The following ANKRD45 variants were observed in gnomAD, a reference collection of about 807,000 sequenced individuals.
The protein encoded by ANKRD45 is ankyrin repeat domain-containing protein 45.
In ANKRD45, 21 loss-of-function variants were observed where a neutral mutation model predicts 28.1. The ratio of observed to expected loss-of-function variants is 0.75; its 90% CI spans 0.53 to 1.08. The LOEUF (loss-of-function observed/expected upper bound fraction) is 1.08, where lower values mean the gene tolerates loss of function less well. ANKRD45 is among the 50% of genes least tolerant of loss of function. The pLI, the probability that ANKRD45 is intolerant of heterozygous loss-of-function variation, is 0.00. For missense variants in ANKRD45, 261 were observed against 308.7 expected (o/e 0.85, Z 1.16); for synonymous variants, 86 against 103.9 (o/e 0.83, Z 1.05).
At position 173,656,402 on chromosome 1, in the gene ANKRD45, C is replaced by G. The variant is rs376374112; in HGVS notation, c.328+2689G>C. Among the ~76,000 whole-genome samples, 42 of 152,308 alleles carry G rather than the reference C, an allele frequency of 2.8e-4. No homozygotes were observed. The Middle Eastern group carries it at 0.01, about 37-fold the overall frequency. On this transcript the variant is annotated intron_variant, in intron 2 of 5. Coordinates refer to ENST00000333279, the MANE Select transcript of ANKRD45 (RefSeq NM_198493.3). ...CTTATGTTCATATTCTTCCTAAACT[C>G]TCTTAGCACTAATAGTAGATTCCCT...
the ANKRD45 span, among the ~76,000 whole-genome samples, chr1:173,681,743 T>G: frequency 6.6e-6 from 1 of 152,046 alleles, no homozygotes; most frequent in Non-Finnish European, 1.5e-5. Context: ...TCTGGTATGC[T>G]AATGGAAGAT....
At chr1:173,619,372 G>A (rs1667604011) in intron 5 of ANKRD45, among the ~76,000 whole-genome samples, 1 of 152,118 alleles carries the variant, frequency 6.6e-6, no homozygotes, top group African/African-American at 2.4e-5. Flanking sequence ...AGACCCATCA[G>A]TATGCTGTCT....
At chr1:173,664,121 T>C (rs543902024) in intron 1 of ANKRD45, among the ~76,000 whole-genome samples, 2 of 152,306 alleles carry the variant, frequency 1.3e-5, no homozygotes, top group East Asian at 3.9e-4. Flanking sequence ...CTATGGAGAC[T>C]ATACCAGGAA....
Position 173,608,905 on chromosome 1 carries a change from G to C in ANKRD45, c.*1240C>G, listed in dbSNP as rs1460414094. ...GAAGGGAGGGGAGGGGAGAGGAAGG[G>C]AGAGGAAGGGAGGGGAAGGGAGGGG... On this transcript the variant is annotated 3_prime_UTR_variant, in exon 6 of 6. Coordinates refer to ENST00000333279, the MANE Select transcript of ANKRD45 (RefSeq NM_198493.3). Among the ~76,000 whole-genome samples the C allele has an allele frequency of 3.9e-4, 35 of 88,904 alleles. No individual in the cohort carries two copies. Among genetic ancestry groups the C allele is most frequent in the Non-Finnish European group, 6.2e-4 (28 of 45,194 alleles). 58.3% of individuals were successfully genotyped at this position (88,904 alleles called of 152,430 possible). A position where few individuals can be genotyped will look rare whatever the true frequency, so the allele number is the denominator to read the frequency against.
Position 173,624,942 on chromosome 1 carries a change from A to C in ANKRD45, c.592-17T>G. 6.2e-7 allele frequency: 1 copy of C among 1,603,638 alleles called. No individual in the cohort carries two copies. Among genetic ancestry groups the C allele is most frequent in the Non-Finnish European group, 8.5e-7 (1 of 1,174,404 alleles). On this transcript the variant is annotated splice_polypyrimidine_tract_variant and intron_variant, in intron 4 of 5. Transcript: ENST00000333279. ...GATGGTATTCTAGGGACAGAAATAC[A>C]GAGTTTGCTCTCCACTTATTTATTG...
the ANKRD45 span, among the ~76,000 whole-genome samples, chr1:173,705,589 C>T: frequency 6.7e-6 from 1 of 149,554 alleles, no homozygotes; most frequent in East Asian, 2.0e-4. Context: ...ACTCCTTGAG[C>T]CCAGGAGGCT....
At chr1:173,613,512 T>G (rs1417424729) in intron 5 of ANKRD45, among the ~76,000 whole-genome samples, 3 of 124,550 alleles carry the variant, frequency 2.4e-5, no homozygotes, top group Non-Finnish European at 3.3e-5. Flanking sequence ...AGGTGGGGGC[T>G]CAGCCCCCGC....
At position 173,662,888 on chromosome 1, in the gene ANKRD45, G is replaced by A. The variant is rs145960227; in HGVS notation, c.-15-3455C>T. ...TGATAGAGGCAAGCAAGGTAGACAG[G>A]GATTGGAAATGGGAGTTGAGTTACC... is the stretch of plus-strand genomic sequence containing the variant. On this transcript the variant is annotated intron_variant, in intron 1 of 5. Coordinates refer to ENST00000333279, the MANE Select transcript of ANKRD45 (RefSeq NM_198493.3). Among the ~76,000 whole-genome samples, 11 of 152,156 alleles carry A rather than the reference G, an allele frequency of 7.2e-5. No homozygotes were observed. The South Asian group carries it at 8.3e-4, about 11-fold the overall frequency.
chr1:173,639,731 T>C (rs1057023888), intron 3 of ANKRD45, among the ~76,000 whole-genome samples: 5 of 152,204 alleles, frequency 3.3e-5, no homozygotes, highest in Admixed American at 3.3e-4. Context: ...CTGAAATGAC[T>C]CCAATCGTTT....
chr1:173,668,280 G>C (rs1433676307), intron 1 of ANKRD45, among the ~76,000 whole-genome samples: 1 of 152,190 alleles, frequency 6.6e-6, no homozygotes, highest in African/African-American at 2.4e-5. Context: ...GGGCAAGGAG[G>C]CTTTGCAGGG....
At chr1:173,610,910 TC>T (rs1324749367) in intron 5 of ANKRD45, among the ~76,000 whole-genome samples, 4 of 152,136 alleles carry the variant, frequency 2.6e-5, no homozygotes, top group African/African-American at 9.7e-5. Flanking sequence ...TAGTCTCCTC[TC>T]CCTCCAATCC....
chr1:173,702,051 C>T, the ANKRD45 span, among the ~76,000 whole-genome samples: 3 of 152,070 alleles, frequency 2.0e-5, no homozygotes, highest in South Asian at 4.2e-4. Flanking sequence ...CTGGTGAACA[C>T]GTAAGTGTTT....
At chr1:173,670,879 A>G (rs921533273), upstream of ANKRD45, among the ~76,000 whole-genome samples, 20 of 152,290 alleles carry the variant, frequency 1.3e-4, no homozygotes, top group African/African-American at 4.6e-4. Context: ...AAACCCAAAG[A>G]ATGGACTTAG....
chr1:173,629,140 A>C (rs1268936368), intron 3 of ANKRD45, among the ~76,000 whole-genome samples: 134 of 152,214 alleles, frequency 8.8e-4, no homozygotes, highest in Non-Finnish European at 1.0e-4. Flanking sequence ...CACAACATCC[A>C]AGTCCCTTCA....
chr1:173,673,321 C>T (rs1280761504), upstream of ANKRD45, among the ~76,000 whole-genome samples: 7 of 152,134 alleles, frequency 4.6e-5, no homozygotes, highest in East Asian at 1.4e-3. Flanking sequence ...CCATGTTGGG[C>T]AGGCTGGTCT....
upstream of ANKRD45, among the ~76,000 whole-genome samples, chr1:173,674,351 C>CT (rs374926237): frequency 1.3e-3 from 193 of 146,068 alleles, no homozygotes; most frequent in Middle Eastern, 3.5e-3. Context: ...ATATTTTTGG[C>CT]TTTTTTTTTT....
In ANKRD45 at chr1:173,659,307, G is replaced by T; in HGVS notation, c.112C>A (p.Pro38Thr). 2 of 1,613,508 alleles carry T rather than the reference G, an allele frequency of 1.2e-6. No individual in the cohort carries two copies. The highest frequency in any genetic ancestry group is 1.7e-6 in the Non-Finnish European group (2 of 1,179,792). ...CCTGTGAGAGCAGGTTGTAAAAGGG[G>T]GTTCTTAGGGCCTGTTTCCTCTGGT... ...QEPEETGPKN[P>T]LLQPALTGDV... is the part of the protein sequence containing the mutation. The change falls in exon 2 of 6, where the codon CCC (proline) becomes ACC (threonine). Residue 38 changes from proline (P) to threonine (T), a missense_variant. Coordinates refer to ENST00000333279, the MANE Select transcript of ANKRD45 (RefSeq NM_198493.3).
intron 1 of ANKRD45, 97 bp downstream of exon 1, chr1:173,669,720 C>G (rs982662486): frequency 3.4e-6 from 1 of 296,184 alleles, no homozygotes; most frequent in East Asian, 9.3e-5. Context: ...CCCTCCAGCC[C>G]TGCCCGAGCA....
At chr1:173,708,750 T>G in the ANKRD45 span, among the ~76,000 whole-genome samples, 1 of 152,228 alleles carries the variant, frequency 6.6e-6, no homozygotes, top group African/African-American at 2.4e-5. Flanking sequence ...TTTCCCCATA[T>G]AGGTTTCACA....
Sources: allele counts gnomAD v4.1 joint callset (sites outside exome capture counted in the v4.1 genomes callset), GRCh38; gene constraint gnomAD v4.1.1; transcripts MANE v1.5; gene names NCBI Gene and HGNC (gene_info 2026-07-23, HGNC 2026-07-21).